BPIFB3: variants seen among roughly 807,000 people sequenced by gnomAD.
The protein encoded by BPIFB3 is BPI fold-containing family B member 3.
Under a neutral mutation model 53.1 loss-of-function variants are expected in BPIFB3, and 49 were observed. The ratio of observed to expected loss-of-function variants is 0.92; its 90% CI spans 0.73 to 1.17. The LOEUF is 1.17. Among genes scored for constraint, BPIFB3 ranks in the 50% most tolerant of loss-of-function variants. The probability of loss-of-function intolerance (pLI) is 0.00; values close to 1 mark genes in which losing one functional copy is unlikely to be tolerated. For synonymous variants in BPIFB3, 271 were observed against 269.6 expected (o/e 1.01, Z -0.05); for missense variants, 628 against 592.5 (o/e 1.06, Z -0.62).
At chr20:33,071,133 CAG>C (rs1331229175) in intron 11 of BPIFB3, 118 bp from the exon 13 acceptor site, 3 of 1,037,792 alleles carry the variant, frequency 2.9e-6, no homozygotes, top group African/African-American at 1.6e-5. Context: ...TGGATAGAGG[CAG>C]AGTGTTGGGC....
At chr20:33,066,957 A>G in intron 9 of BPIFB3, 80 bp downstream of exon 10, 1 of 1,451,292 alleles carries the variant, frequency 6.9e-7, no homozygotes, top group Non-Finnish European at 9.7e-7. Context: ...CTTTCTCAAT[A>G]CAGCTCTCCA....
At chr20:33,058,946 T>C (rs1489371147) in intron 2 of BPIFB3, among the ~76,000 whole-genome samples, 1 of 152,084 alleles carries the variant, frequency 6.6e-6, no homozygotes, top group Non-Finnish European at 1.5e-5. Context: ...GAGTAATGAC[T>C]TGTGAGGAGT....
rs1435741037 is a variant in BPIFB3, at chr20:33,068,655, G to C, written c.979-148G>C. On this transcript the variant is annotated intron_variant, in intron 9 of 14. Transcript: ENST00000375494. ...CCACACCTGAGTGTCAGCCTCATGG[G>C]GGCTGAGCCCAGGCCTGTGTCTTTC... is the stretch of plus-strand genomic sequence containing the variant. The C allele has an allele frequency of 1.4e-5, 11 of 782,644 alleles. No individual in the cohort carries two copies. The East Asian group carries it at 3.0e-4, about 21-fold the overall frequency. 48.5% of individuals were successfully genotyped at this position (782,644 alleles called of 1,614,324 possible). A position where few individuals can be genotyped will look rare whatever the true frequency, so the allele number is the denominator to read the frequency against.
At chr20:33,061,680 C>A in intron 4 of BPIFB3, 88 bp from the exon 6 acceptor site, 1 of 1,317,888 alleles carries the variant, frequency 7.6e-7, no homozygotes, top group Middle Eastern at 1.8e-4. Flanking sequence ...GAGGAGAAAT[C>A]CAGAGCCCCT....
In BPIFB3 at chr20:33,056,604, G is replaced by A. The variant is rs150025342; in HGVS notation, c.187G>A (p.Val63Met). Residue 63 changes from valine (V) to methionine (M), a missense_variant, in exon 2 of 15, where the codon GTG (valine) becomes ATG (methionine). Transcript: ENST00000375494. ...GAATGTGCTGGGATCGGTCACAGCT[G>A]TGAACCGGGGCCTCTTGGGCTCAGG... 2.0e-5 allele frequency: 33 copies of A among 1,614,032 alleles called. No homozygotes were observed. In the African/African-American group the frequency reaches 2.8e-4, roughly 14 times the overall value.
chr20:33,072,130 C>T (rs1980928001), exon 13 of BPIFB3: 3 of 1,614,198 alleles, frequency 1.9e-6, no homozygotes, highest in South Asian at 1.1e-5. Context: ...AATGGCTCAG[C>T]CATGTGGTCG....
chr20:33,071,988 T>G, intron 12 of BPIFB3, 116 bp from the exon 14 acceptor site: 1 of 1,040,148 alleles, frequency 9.6e-7, no homozygotes, highest in Non-Finnish European at 1.5e-6. Flanking sequence ...TCCTCAGGCT[T>G]GGGGGAGGCT....
chr20:33,063,338 ATG>A (rs1366011139), intron 5 of BPIFB3, among the ~76,000 whole-genome samples: 1 of 152,102 alleles, frequency 6.6e-6, no homozygotes, highest in Non-Finnish European at 1.5e-5. Flanking sequence ...AGCCCCTGAA[ATG>A]TGTCTCCCGT....
At chr20:33,064,771 C>T (rs200771603) in exon 8 of BPIFB3, 7 of 1,614,158 alleles carry the variant, frequency 4.3e-6, no homozygotes, top group Non-Finnish European at 5.1e-6. Flanking sequence ...GATGGTGCCA[C>T]TGTACCTCTT....
At chr20:33,064,424 T>G in intron 6 of BPIFB3, 33 bp from the exon 8 acceptor site, 1 of 1,553,120 alleles carries the variant, frequency 6.4e-7, no homozygotes, top group Non-Finnish European at 8.9e-7. Flanking sequence ...ACTGGGCTTA[T>G]AGGGTCGTTC....
chr20:33,066,857 C>T, exon 9 of BPIFB3: 1 of 1,614,194 alleles, frequency 6.2e-7, no homozygotes, highest in Non-Finnish European at 8.5e-7. Context: ...AACTACAGAC[C>T]TGGCAGCTTT....
At chr20:33,072,749 G>C (rs746791805) in exon 14 of BPIFB3, 2 of 1,613,866 alleles carry the variant, frequency 1.2e-6, no homozygotes, top group East Asian at 2.2e-5. Context: ...CCTGCCTAAG[G>C]TTCTTAATAT....
chr20:33,069,860 G>GTA, intron 10 of BPIFB3, 28 bp from the exon 12 acceptor site: 1 of 1,613,798 alleles, frequency 6.2e-7, no homozygotes, highest in Non-Finnish European at 8.5e-7. Flanking sequence ...CCGATTGGGG[G>GTA]TGACTTCTGC....
chr20:33,056,560 T>C (rs201501868), exon 2 of BPIFB3: 127 of 1,613,770 alleles, frequency 7.9e-5, no homozygotes, highest in Non-Finnish European at 7.2e-5. Flanking sequence ...AACTCACTGG[T>C]TGGGGAGCCC....
At chr20:33,055,375 C>CT, upstream of BPIFB3, 1 of 1,603,272 alleles carries the variant, frequency 6.2e-7, no homozygotes, top group Non-Finnish European at 8.5e-7. Flanking sequence ...AGGGGAAAGG[C>CT]TTGAGCAGGA....
At chr20:33,060,063 A>T (rs776762000) in intron 4 of BPIFB3, 32 bp downstream of exon 5, 12 of 1,607,964 alleles carry the variant, frequency 7.5e-6, no homozygotes, top group Admixed American at 3.3e-5. Context: ...TGCAACCCTG[A>T]CCCGCTCAGG....
intron 4 of BPIFB3, among the ~76,000 whole-genome samples, chr20:33,060,935 C>T (rs1456547718): frequency 6.6e-6 from 1 of 152,170 alleles, no homozygotes; most frequent in Non-Finnish European, 1.5e-5. Context: ...CGCACAGATC[C>T]GGCAGGGATG....
chr20:33,072,037 G>A lies in BPIFB3; in HGVS notation c.1261-67G>A, dbSNP rs1003308483. 9 of 1,545,530 alleles carry A rather than the reference G, an allele frequency of 5.8e-6. No homozygotes were observed. The South Asian group carries it at 1.0e-4, about 17-fold the overall frequency. On this transcript the variant is annotated intron_variant, in intron 12 of 14. Coordinates refer to ENST00000375494, the Ensembl canonical transcript of BPIFB3. Reference sequence around the variant, plus strand: ...CCCTGGGTTTCTCTCCCTGGGAACGGGATGCTGCTGCCTGTAAAGCCACAC... The same window carrying A: ...CCCTGGGTTTCTCTCCCTGGGAACGAGATGCTGCTGCCTGTAAAGCCACAC...
chr20:33,054,556 C>T (rs6141360), upstream of BPIFB3, among the ~76,000 whole-genome samples: 1 of 152,150 alleles, frequency 6.6e-6, no homozygotes, highest in African/African-American at 2.4e-5. Context: ...AGGGAGGAGC[C>T]TTCCTAACAA....
Sources: allele counts gnomAD v4.1 joint callset (sites outside exome capture counted in the v4.1 genomes callset), GRCh38; gene constraint gnomAD v4.1.1; transcripts MANE v1.5; gene names NCBI Gene and HGNC (gene_info 2026-07-23, HGNC 2026-07-21).